The following QSOX1 variants were observed in gnomAD, a reference collection of about 807,000 sequenced individuals.
QSOX1 encodes sulfhydryl oxidase 1.
QSOX1 carries 40 observed loss-of-function variants against 76.1 expected under a neutral mutation model. That is an observed-to-expected ratio of 0.53 (90% CI 0.41 to 0.68). The LOEUF is 0.68. Among genes scored for constraint, QSOX1 ranks in the 30% least tolerant of loss-of-function variants. The pLI is 0.00. For missense variants in QSOX1, 931 were observed against 974.3 expected (o/e 0.96, Z 0.59); for synonymous variants, 392 against 413.1 (o/e 0.95, Z 0.62).
At position 180,155,140 on chromosome 1, in the gene QSOX1, C is replaced by T; in HGVS notation, c.233C>T (p.Pro78Leu). The T allele has an allele frequency of 6.6e-7, 1 of 1,521,300 alleles. No homozygotes were observed. Among genetic ancestry groups the T allele is most frequent in the Non-Finnish European group, 8.8e-7 (1 of 1,138,798 alleles). The allele number at this position is 1,521,300 out of a possible 1,614,324, so 94.2% of individuals were successfully genotyped here. Residue 78 changes from proline (P) to leucine (L), a missense_variant, in exon 1 of 12, where the codon CCG (proline) becomes CTG (leucine). Coordinates refer to ENST00000367602, the MANE Select transcript of QSOX1 (RefSeq NM_002826.5). The part of the protein sequence containing the change: ...SWCGHCIAFA[P>L]TWKALAEDVK... ...TGCGGCCACTGCATCGCCTTCGCCC[C>T]GACGTGGAAGGCGCTGGCCGAAGAC...
chr1:180,196,880 A>G lies in QSOX1; in HGVS notation c.2087A>G (p.Gln696Arg). 6.3e-7 allele frequency: 1 copy of G among 1,595,328 alleles called. No homozygotes were observed. The highest frequency in any genetic ancestry group is 8.6e-7 in the Non-Finnish European group (1 of 1,168,532). The change falls in exon 12 of 12, where the codon CAG (glutamine) becomes CGG (arginine). Residue 696 changes from glutamine (Q) to arginine (R), a missense_variant. Coordinates refer to ENST00000367602, the MANE Select transcript of QSOX1 (RefSeq NM_002826.5). This position sits in a 1 kb window ranked among gnomAD's most constrained non-coding sequence, Gnocchi z 4.1. Reference sequence around the variant, plus strand: ...GCCCGAGCTGGACGGGGCCGAGGCCAGTGGCTGCAGGTGCTGGGAGGGGGC... The same window carrying G: ...GCCCGAGCTGGACGGGGCCGAGGCCGGTGGCTGCAGGTGCTGGGAGGGGGC... ...LEARAGRGRG[Q>R]WLQVLGGGFS...
rs1178984858 is a variant in QSOX1, at chr1:180,196,645, G to C, written c.1852G>C (p.Gly618Arg). 3 of 1,614,178 alleles carry C rather than the reference G, an allele frequency of 1.9e-6. No homozygotes were observed. The highest frequency in any genetic ancestry group is 2.2e-5 in the East Asian group (1 of 44,886). The change falls in exon 12 of 12, where the codon GGC becomes CGC. Residue 618 changes from glycine (G) to arginine (R), a missense_variant. Physicochemically the swap from Gly to Arg is moderately radical, Grantham distance 125. Coordinates refer to ENST00000367602, the MANE Select transcript of QSOX1 (RefSeq NM_002826.5). The surrounding 1 kb of genome is among the most constrained non-coding windows in gnomAD (Gnocchi z 4.1). ...GCACCCTGGCCTCAGAGCTGCACCA[G>C]GCCAGGAGCCTCCTGAGCACATGGC... ...KLHPGLRAAP[G>R]QEPPEHMAEL...
intron 8 of QSOX1, among the ~76,000 whole-genome samples, chr1:180,188,877 C>A (rs1315219308): frequency 6.6e-6 from 1 of 152,234 alleles, no homozygotes; most frequent in East Asian, 1.9e-4. Flanking sequence ...CACACGCACA[C>A]ACACACACAT....
At position 180,199,944 on chromosome 1, in the gene QSOX1, G is replaced by C. The variant is rs1663597179; in HGVS notation, c.*2907G>C. 6.6e-6 allele frequency: 1 copy of C among 152,092 alleles called. No homozygotes were observed. Among genetic ancestry groups the C allele is most frequent in the African/African-American group, 2.4e-5 (1 of 41,388 alleles). The allele number at this position is 152,092 out of a possible 1,614,324, so 9.4% of individuals were successfully genotyped here. A position where few individuals can be genotyped will look rare whatever the true frequency, so the allele number is the denominator to read the frequency against. On this transcript the variant is annotated 3_prime_UTR_variant, in exon 12 of 12. Transcript: ENST00000367602. ...CTCCAGCAGCCTTGGTATGGGGTGG[G>C]GGTGGGAAGACCCCTGATGCAGCCT... is the stretch of plus-strand genomic sequence containing the variant.
At chr1:180,185,950 G>A (rs1663159206) in intron 7 of QSOX1, 103 bp from the exon 8 acceptor site, 2 of 1,373,350 alleles carry the variant, frequency 1.5e-6, no homozygotes, top group Non-Finnish European at 2.1e-6. Context: ...GTGACCATCA[G>A]CAGTGCCCCT....
intron 2 of QSOX1, among the ~76,000 whole-genome samples, chr1:180,174,842 C>A (rs895234315): frequency 6.6e-6 from 1 of 152,022 alleles, no homozygotes; most frequent in Non-Finnish European, 1.5e-5. Flanking sequence ...CTCCCCCCAA[C>A]TCCCCCCAAT....
chr1:180,194,106 A>G lies in QSOX1; in HGVS notation c.1289-107A>G, dbSNP rs893288085. ...AGGCTGGGGTGTGTGGCACCTGTGCAGGGGTGGCCACGGCAGGATGGGGGG... is the reference window on the plus strand; with the variant it reads ...AGGCTGGGGTGTGTGGCACCTGTGCGGGGGTGGCCACGGCAGGATGGGGGG... On this transcript the variant is annotated intron_variant, in intron 10 of 11. Coordinates refer to ENST00000367602, the MANE Select transcript of QSOX1 (RefSeq NM_002826.5). 5 of 1,025,338 alleles carry G rather than the reference A, an allele frequency of 4.9e-6. No individual in the cohort carries two copies. The African/African-American group carries it at 8.0e-5, about 16-fold the overall frequency. The allele number at this position is 1,025,338 out of a possible 1,614,324, so 63.5% of individuals were successfully genotyped here.
chr1:180,191,203 T>C (rs1315350060), intron 10 of QSOX1, among the ~76,000 whole-genome samples: 1 of 152,080 alleles, frequency 6.6e-6, no homozygotes, highest in Non-Finnish European at 1.5e-5. Context: ...CGGCTTGGCT[T>C]GGAGGATAGA....
At chr1:180,160,234 CT>C (rs1311301948) in intron 1 of QSOX1, among the ~76,000 whole-genome samples, 2 of 152,026 alleles carry the variant, frequency 1.3e-5, no homozygotes, top group African/African-American at 4.8e-5. Flanking sequence ...GGAATTTACC[CT>C]TTTTAAGCAA....
At chr1:180,186,955 C>T (rs975492732) in intron 8 of QSOX1, among the ~76,000 whole-genome samples, 1 of 152,226 alleles carries the variant, frequency 6.6e-6, no homozygotes, top group Admixed American at 6.5e-5. Flanking sequence ...CTGCTGGAAA[C>T]CCTGGACTCT....
chr1:180,189,028 C>T (rs1235070330), intron 8 of QSOX1, among the ~76,000 whole-genome samples: 2 of 152,270 alleles, frequency 1.3e-5, no homozygotes, highest in Admixed American at 6.5e-5. Context: ...TGGATCTTGG[C>T]TGTGAGCCCC....
chr1:180,159,816 G>A (rs996346074), intron 1 of QSOX1, among the ~76,000 whole-genome samples: 1 of 152,164 alleles, frequency 6.6e-6, no homozygotes, highest in Non-Finnish European at 1.5e-5. Flanking sequence ...TGGGCCTTGT[G>A]CAGGAGCTCA....
chr1:180,175,292 C>G, intron 2 of QSOX1, 29 bp from the exon 3 acceptor site: 1 of 1,612,972 alleles, frequency 6.2e-7, no homozygotes, highest in Non-Finnish European at 8.5e-7. Flanking sequence ...CTATCTATTA[C>G]TGATGCCCAC....
intron 7 of QSOX1, among the ~76,000 whole-genome samples, chr1:180,185,480 G>GTGA (rs1308556487): frequency 3.9e-5 from 6 of 152,182 alleles, no homozygotes; most frequent in Admixed American, 2.6e-4. Flanking sequence ...GGTGTGAGAT[G>GTGA]GGCCCACCTA....
At chr1:180,159,015 C>G (rs1012997801) in intron 1 of QSOX1, among the ~76,000 whole-genome samples, 1 of 152,216 alleles carries the variant, frequency 6.6e-6, no homozygotes, top group African/African-American at 2.4e-5. Context: ...CCTCCCTGCA[C>G]TTGTGAGTGG....
At chr1:180,175,909 T>G in intron 3 of QSOX1, 22 bp from the exon 4 acceptor site, 1 of 1,557,512 alleles carries the variant, frequency 6.4e-7, no homozygotes, top group Non-Finnish European at 8.7e-7. Flanking sequence ...GACACTCCGC[T>G]CACGCCTGTT....
Position 180,203,663 on chromosome 1 carries a change from A to G in QSOX1, c.*6626A>G, listed in dbSNP as rs1448532245. ...GCTCCTATGATGTAACCAACAGACC[A>G]AACCAATATGGAGTCATTCATGCTA... On this transcript the variant is annotated 3_prime_UTR_variant, in exon 12 of 12. Transcript: ENST00000367602. The G allele has an allele frequency of 6.6e-6, 1 of 152,260 alleles. No individual in the cohort carries two copies. The allele number at this position is 152,260 out of a possible 1,614,324, so 9.4% of individuals were successfully genotyped here. A position where few individuals can be genotyped will look rare whatever the true frequency, so the allele number is the denominator to read the frequency against.
At position 180,166,520 on chromosome 1, in the gene QSOX1, C is replaced by T. The variant is rs750310533; in HGVS notation, c.295C>T (p.Leu99=). Reference sequence around the variant, plus strand: ...GAGGCCGGCCCTGTATCTCGCCGCCCTGGACTGTGCTGAGGAGACCAACAG... The same window carrying T: ...GAGGCCGGCCCTGTATCTCGCCGCCTTGGACTGTGCTGAGGAGACCAACAG... ...AWRPALYLAA[L]DCAEETNSAV... Residue 99 remains leucine (L), a synonymous_variant, in exon 2 of 12, where the codon CTG becomes TTG. Coordinates refer to ENST00000367602, the MANE Select transcript of QSOX1 (RefSeq NM_002826.5). The T allele has an allele frequency of 1.2e-6, 2 of 1,614,108 alleles. No homozygotes were observed. The highest frequency in any genetic ancestry group is 1.7e-5 in the Admixed American group (1 of 60,020).
intron 1 of QSOX1, among the ~76,000 whole-genome samples, chr1:180,160,612 G>A (rs1436442538): frequency 6.6e-6 from 1 of 152,086 alleles, no homozygotes; most frequent in African/African-American, 2.4e-5. Flanking sequence ...TCTAACTACA[G>A]CATTATCCTG....
Sources: gnomAD v4.1 joint callset for allele counts (sites outside exome capture counted in the v4.1 genomes callset) on GRCh38, gnomAD v4.1.1 for gene constraint, Gnocchi (gnomAD v3.1) non-coding constraint, MANE v1.5 for transcripts, NCBI Gene and HGNC (gene_info 2026-07-23, HGNC 2026-07-21) for gene names.